The following ESRRG variants were observed in gnomAD, a reference collection of about 807,000 sequenced individuals.
ESRRG encodes estrogen-related receptor gamma.
A neutral mutation model predicts 44.0 loss-of-function variants in ESRRG; 13 were observed. The ratio of observed to expected loss-of-function variants is 0.30; its 90% CI spans 0.19 to 0.47. ESRRG has a LOEUF of 0.47. Ranked by LOEUF, ESRRG falls within the 20% of genes least tolerant of loss-of-function variation. The pLI is 1.00. For synonymous variants in ESRRG, 215 were observed against 214.6 expected (o/e 1.00, Z -0.02); for missense variants, 395 against 580.6 (o/e 0.68, Z 3.29).
In ESRRG at chr1:217,004,650, T is replaced by C. The variant is rs11572440; in HGVS notation, c.-105-64977A>G. ...GGTTCCCCCCAAATATGGTAAGCCATGGGCATATAATCTAATTATTTGAAA... is the reference window on the plus strand; with the variant it reads ...GGTTCCCCCCAAATATGGTAAGCCACGGGCATATAATCTAATTATTTGAAA... On this transcript the variant is annotated intron_variant, in intron 1 of 7. Transcript: ENST00000359162. Among the ~76,000 whole-genome samples, 660 of 152,320 alleles carry C rather than the reference T, an allele frequency of 4.3e-3. 6 individuals carry two copies. Among genetic ancestry groups the C allele is most frequent in the African/African-American group, 0.015 (635 of 41,578 alleles).
At chr1:216,567,108 T>C (rs1042175029) in intron 4 of ESRRG, among the ~76,000 whole-genome samples, 1 of 152,210 alleles carries the variant, frequency 6.6e-6, no homozygotes, top group African/African-American at 2.4e-5. Context: ...TTTCCTCTGA[T>C]GAGTGCTGGT....
At chr1:216,881,358 A>G (rs2096444205) in intron 2 of ESRRG, among the ~76,000 whole-genome samples, 1 of 152,186 alleles carries the variant, frequency 6.6e-6, no homozygotes, top group African/African-American at 2.4e-5. Context: ...AGCAAGCATC[A>G]ATAACAATGG....
chr1:216,600,731 C>T (rs1427485559), intron 3 of ESRRG, among the ~76,000 whole-genome samples: 1 of 152,160 alleles, frequency 6.6e-6, no homozygotes, highest in East Asian at 1.9e-4. Context: ...ATCTGAAGTC[C>T]TGTGAAAAAA....
intron 1 of ESRRG, among the ~76,000 whole-genome samples, chr1:216,681,598 T>A (rs561129291): frequency 6.6e-6 from 1 of 152,330 alleles, no homozygotes; most frequent in Non-Finnish European, 1.5e-5. Context: ...CTGATGATCA[T>A]ACTTCAACCT....
intron 5 of ESRRG, 118 bp from the exon 6 acceptor site, chr1:216,519,539 T>C: frequency 1.0e-6 from 1 of 980,522 alleles, no homozygotes; most frequent in Non-Finnish European, 1.5e-6. Context: ...GAGCTTTGAT[T>C]AGAAGCTCTT....
chr1:217,076,350 T>A (rs1412835094), intron 1 of ESRRG, among the ~76,000 whole-genome samples: 5 of 152,136 alleles, frequency 3.3e-5, no homozygotes, highest in African/African-American at 7.2e-5. Flanking sequence ...ACTTAGTTTT[T>A]AAAATAAGCA....
chr1:217,102,464 G>A (rs1487800283), intron 1 of ESRRG, among the ~76,000 whole-genome samples: 1 of 152,196 alleles, frequency 6.6e-6, no homozygotes, highest in Non-Finnish European at 1.5e-5. Context: ...AGATGAGGGA[G>A]TTGAAACCTG....
Position 216,790,559 on chromosome 1 carries a change from C to G in ESRRG, c.-13-113068G>C, listed in dbSNP as rs1576584244. On this transcript the variant is annotated intron_variant, in intron 2 of 7. Transcript: ENST00000359162. ...AGTAAGGTTTGGATAGGATTTTTAA[C>G]TTGCAAAGAGGATATGCAAAGATGG... is the stretch of plus-strand genomic sequence containing the variant. Among the ~76,000 whole-genome samples the G allele has an allele frequency of 2.0e-5, 3 of 152,076 alleles. No individual in the cohort carries two copies. In the South Asian group the frequency reaches 6.2e-4, roughly 32 times the overall value.
chr1:216,540,676 T>C (rs2052428430), intron 5 of ESRRG, among the ~76,000 whole-genome samples: 1 of 151,960 alleles, frequency 6.6e-6, no homozygotes, highest in African/African-American at 2.4e-5. Flanking sequence ...TTCTCTAGGA[T>C]CAAGACCTAG....
intron 1 of ESRRG, among the ~76,000 whole-genome samples, chr1:217,035,458 T>C (rs1214890423): frequency 6.6e-6 from 1 of 151,662 alleles, no homozygotes; most frequent in Admixed American, 6.6e-5. Context: ...GGTTACTCAA[T>C]ATTGCCAGTG....
At chr1:216,830,244 C>T (rs574836484) in intron 2 of ESRRG, among the ~76,000 whole-genome samples, 1 of 152,270 alleles carries the variant, frequency 6.6e-6, no homozygotes, top group South Asian at 2.1e-4. Context: ...ACGACTCAGC[C>T]AAATTTCCTG....
At chr1:216,511,873 T>C (rs1454522166) in intron 6 of ESRRG, among the ~76,000 whole-genome samples, 1 of 152,196 alleles carries the variant, frequency 6.6e-6, no homozygotes, top group Admixed American at 6.5e-5. Flanking sequence ...TTGCAACTGA[T>C]TGAAATCCAT....
intron 2 of ESRRG, among the ~76,000 whole-genome samples, chr1:216,663,311 G>T (rs906815059): frequency 5.3e-5 from 8 of 152,124 alleles, no homozygotes; most frequent in Admixed American, 1.3e-4. Flanking sequence ...TTCCTTTGAA[G>T]ATTTTTGTGC....
Position 216,714,498 on chromosome 1 carries a change from C to A in ESRRG, c.56+8746G>T, listed in dbSNP as rs549985480. 1.2e-3 allele frequency: 724 copies of A among 619,500 alleles called. 1 individual carries two copies. Among genetic ancestry groups the A allele is most frequent in the Admixed American group, 2.7e-3 (43 of 15,788 alleles). The allele number at this position is 619,500 out of a possible 1,614,324, so 38.4% of individuals were successfully genotyped here. ...AATGTAAGCAAAGGAAGACAATAGACAATATCACCGAACTTACCCCAGAAA... is the reference window on the plus strand; with the variant it reads ...AATGTAAGCAAAGGAAGACAATAGAAAATATCACCGAACTTACCCCAGAAA... On this transcript the variant is annotated intron_variant, in intron 1 of 6. Coordinates refer to ENST00000408911, the MANE Select transcript of ESRRG (RefSeq NM_001438.4).
chr1:216,774,380 C>A (rs1403211527), intron 2 of ESRRG, among the ~76,000 whole-genome samples: 1 of 152,124 alleles, frequency 6.6e-6, no homozygotes. Flanking sequence ...AAGCACATGA[C>A]GTTCCATTAC....
intron 3 of ESRRG, among the ~76,000 whole-genome samples, chr1:216,615,931 C>T (rs1447047836): frequency 1.3e-5 from 2 of 152,012 alleles, no homozygotes; most frequent in African/African-American, 4.8e-5. Flanking sequence ...GGAGATCTGC[C>T]CGCCTCGGCC....
intron 1 of ESRRG, among the ~76,000 whole-genome samples, chr1:216,969,202 A>T (rs1391014561): frequency 6.6e-6 from 1 of 152,202 alleles, no homozygotes; most frequent in Admixed American, 6.5e-5. Context: ...CAGTGGCCTA[A>T]CATTTTCTAC....
At chr1:216,640,816 C>T (rs796913564) in intron 3 of ESRRG, among the ~76,000 whole-genome samples, 21 of 152,164 alleles carry the variant, frequency 1.4e-4, no homozygotes, top group African/African-American at 4.6e-4. Context: ...TATACGTATG[C>T]GTTGGTGACA....
intron 2 of ESRRG, among the ~76,000 whole-genome samples, chr1:216,841,324 C>A (rs2095650214): frequency 1.3e-5 from 2 of 152,092 alleles, no homozygotes; most frequent in East Asian, 1.9e-4. Flanking sequence ...TTTTGAGAAG[C>A]TCTTAGAGCA....
Sources: gnomAD v4.1 joint callset for allele counts (sites outside exome capture counted in the v4.1 genomes callset) on GRCh38, gnomAD v4.1.1 for gene constraint, MANE v1.5 for transcripts, NCBI Gene and HGNC (gene_info 2026-07-23, HGNC 2026-07-21) for gene names.